Variants in ABHD2 observed in about 807,000 individuals in gnomAD.
ABHD2 encodes the protein abhydrolase domain containing 2, acylglycerol lipase, also known as monoacylglycerol lipase ABHD2.
ABHD2 carries 20 observed loss-of-function variants against 48.1 expected under a neutral mutation model. That is an observed-to-expected ratio of 0.42 (90% CI 0.29 to 0.60). The LOEUF is 0.60. Ranked by LOEUF, ABHD2 falls within the 20% of genes least tolerant of loss-of-function variation. ABHD2 has a pLI of 0.24. For synonymous variants in ABHD2, 209 were observed against 214.2 expected (o/e 0.98, Z 0.21); for missense variants, 405 against 550.9 (o/e 0.74, Z 2.65).
chr15:89,074,782 C>T, the ABHD2 span, among the ~76,000 whole-genome samples: 3 of 152,226 alleles, frequency 2.0e-5, no homozygotes, highest in Non-Finnish European at 4.4e-5. Context: ...CATTGCCTCT[C>T]ACCAGCGTCT....
At chr15:89,149,139 G>C (rs2050547792) in intron 3 of ABHD2, among the ~76,000 whole-genome samples, 1 of 151,862 alleles carries the variant, frequency 6.6e-6, no homozygotes, top group African/African-American at 2.4e-5. Flanking sequence ...TAAACCTTTT[G>C]AGACTTCCAC....
intron 2 of ABHD2, among the ~76,000 whole-genome samples, chr15:89,115,765 A>G (rs2049950028): frequency 6.6e-6 from 1 of 152,106 alleles, no homozygotes; most frequent in Non-Finnish European, 1.5e-5. Context: ...GCTTTATCTC[A>G]GCCTGCTCTG....
chr15:89,140,143 AG>A (rs924537360), intron 3 of ABHD2, among the ~76,000 whole-genome samples: 125 of 152,106 alleles, frequency 8.2e-4, no homozygotes, highest in African/African-American at 2.9e-3. Flanking sequence ...AGAGCTGAGC[AG>A]CCTGTGTTAG....
chr15:89,172,357 A>G (rs942056944), intron 5 of ABHD2, among the ~76,000 whole-genome samples: 3 of 152,264 alleles, frequency 2.0e-5, no homozygotes, highest in Non-Finnish European at 4.4e-5. Flanking sequence ...ATGTCACATA[A>G]GTAGGATCCT....
the ABHD2 span, among the ~76,000 whole-genome samples, chr15:89,080,024 G>A: frequency 2.0e-5 from 3 of 152,136 alleles, no homozygotes; most frequent in South Asian, 2.1e-4. Context: ...ACTCCACCTC[G>A]GCCATGGCAG....
At chr15:89,130,078 A>G (rs2050195535) in intron 3 of ABHD2, among the ~76,000 whole-genome samples, 1 of 151,138 alleles carries the variant, frequency 6.6e-6, no homozygotes, top group East Asian at 1.9e-4. Context: ...GGTAACAATG[A>G]AGCCTTAAAA....
intron 3 of ABHD2, among the ~76,000 whole-genome samples, chr15:89,123,549 T>C (rs1334104759): frequency 6.6e-6 from 1 of 151,882 alleles, no homozygotes; most frequent in Non-Finnish European, 1.5e-5. Flanking sequence ...ACAAATGTGC[T>C]TCCTAGTTAT....
At chr15:89,074,567 G>A in the ABHD2 span, among the ~76,000 whole-genome samples, 17 of 152,278 alleles carry the variant, frequency 1.1e-4, no homozygotes, top group African/African-American at 4.1e-4. Flanking sequence ...ATCTGAAAAT[G>A]AAGACTGAGG....
At chr15:89,071,175 T>A in the ABHD2 span, among the ~76,000 whole-genome samples, 3 of 152,274 alleles carry the variant, frequency 2.0e-5, no homozygotes, top group South Asian at 6.2e-4. Context: ...ATCCCAGCAC[T>A]TTGGGAGGCC....
intron 3 of ABHD2, among the ~76,000 whole-genome samples, chr15:89,142,499 G>C (rs2050420059): frequency 1.3e-5 from 2 of 152,228 alleles, no homozygotes; most frequent in South Asian, 4.1e-4. Context: ...GCTGTAGTAA[G>C]ATTCCAGTGG....
At chr15:89,143,677 C>G (rs966185489) in intron 3 of ABHD2, among the ~76,000 whole-genome samples, 1 of 133,236 alleles carries the variant, frequency 7.5e-6, no homozygotes, top group African/African-American at 3.0e-5. Flanking sequence ...GAGCAAAACT[C>G]CATCTCAAAA....
In ABHD2 at chr15:89,141,733, C is replaced by G. The variant is rs151289891; in HGVS notation, c.195-9944C>G. Among the ~76,000 whole-genome samples, 53 of 152,324 alleles carry G rather than the reference C, an allele frequency of 3.5e-4. No individual in the cohort carries two copies. The East Asian group carries it at 9.3e-3, about 27-fold the overall frequency. On this transcript the variant is annotated intron_variant, in intron 3 of 10. Coordinates refer to ENST00000352732, the MANE Select transcript of ABHD2 (RefSeq NM_152924.5). ...TTGCCTGAGCCCCAGAACTTGGTCT[C>G]TTTACCCTTTCTCCTGTTTAGTGCC...
At chr15:89,050,846 C>T in the ABHD2 span, among the ~76,000 whole-genome samples, 6 of 152,118 alleles carry the variant, frequency 3.9e-5, no homozygotes, top group Non-Finnish European at 5.9e-5. Flanking sequence ...AAGGAGGCTG[C>T]ATGCAGGCTG....
At chr15:89,049,570 G>T in the ABHD2 span, among the ~76,000 whole-genome samples, 1 of 152,254 alleles carries the variant, frequency 6.6e-6, no homozygotes, top group African/African-American at 2.4e-5. Flanking sequence ...CTCTGAGCCA[G>T]GTGTGGGTTA....
the ABHD2 span, among the ~76,000 whole-genome samples, chr15:89,080,646 T>C: frequency 1.5e-3 from 233 of 151,398 alleles, 2 homozygotes; most frequent in African/African-American, 5.6e-3. Context: ...TGTGATACCA[T>C]AGCAGGCTGA....
At chr15:89,070,928 C>A in the ABHD2 span, among the ~76,000 whole-genome samples, 11 of 151,874 alleles carry the variant, frequency 7.2e-5, no homozygotes, top group African/African-American at 2.4e-4. Context: ...CCGGAAGGGC[C>A]TTCCTTTTCT....
the ABHD2 span, among the ~76,000 whole-genome samples, chr15:89,063,883 TC>T: frequency 6.6e-6 from 1 of 152,182 alleles, no homozygotes; most frequent in Non-Finnish European, 1.5e-5. Flanking sequence ...ATGAAACTGT[TC>T]CACCTCTGAA....
At chr15:89,093,359 T>A (rs1194230816) in intron 1 of ABHD2, among the ~76,000 whole-genome samples, 1 of 152,066 alleles carries the variant, frequency 6.6e-6, no homozygotes, top group Non-Finnish European at 1.5e-5. Flanking sequence ...TTTGTATTTT[T>A]GGTAGAGACA....
chr15:89,182,064 T>G lies in ABHD2; in HGVS notation c.723-3360T>G, dbSNP rs2150938452. ...AAATGAAGGCATTTTCAGGGAATTC[T>G]ATTTATGTTGGTAATAGGTAGATCA... On this transcript the variant is annotated intron_variant, in intron 6 of 10. Transcript: ENST00000352732. This position sits in a 1 kb window ranked among gnomAD's most constrained non-coding sequence, Gnocchi z 4.8. 6.6e-6 allele frequency among the ~76,000 whole-genome samples: 1 copy of G among 152,348 alleles called. No individual in the cohort carries two copies. The highest frequency in any genetic ancestry group is 1.9e-4 in the East Asian group (1 of 5,192).
Sources: allele counts gnomAD v4.1 joint callset (sites outside exome capture counted in the v4.1 genomes callset), GRCh38; gene constraint gnomAD v4.1.1; non-coding constraint Gnocchi (gnomAD v3.1); transcripts MANE v1.5; gene names NCBI Gene and HGNC (gene_info 2026-07-23, HGNC 2026-07-21).